The following SALL3 variants were observed in gnomAD, a reference collection of about 807,000 sequenced individuals.
SALL3 encodes sal-like protein 3.
A neutral mutation model predicts 66.2 loss-of-function variants in SALL3; 25 were observed. That is an observed-to-expected ratio of 0.38 (90% confidence interval 0.28 to 0.53). The LOEUF (loss-of-function observed/expected upper bound fraction) is 0.53. Among genes scored for constraint, SALL3 ranks in the 20% least tolerant of loss-of-function variants. The pLI is 0.85. For missense variants in SALL3, 2,194 were observed against 1,916.5 expected, an observed-to-expected ratio of 1.14 and a Z score of -2.70; for synonymous variants, 1,152 against 899.1, an observed-to-expected ratio of 1.28 and a Z score of -5.03.
Position 78,995,025 on chromosome 18 carries a change from C to A in SALL3, c.3034C>A (p.Arg1012=). ...ERPFVCALCR[R]GCSTMGNLKQ... ...GCCATTCGTCTGCGCGCTCTGCAGG[C>A]GAGGGTGCTCCACTATGGGTAATTT... The change falls in exon 2 of 3, where the codon CGA becomes AGA. Residue 1012 remains arginine (R), a synonymous_variant. Transcript: ENST00000537592. The A allele has an allele frequency of 6.2e-7, 1 of 1,613,850 alleles. No homozygotes were observed.
Position 78,993,269 on chromosome 18 carries a change from C to T in SALL3, c.1278C>T (p.Ala426=), listed in dbSNP as rs2146216411. ...PFFKHKCRFC[A]KVFGSDSALQ... is the part of the protein sequence containing the mutation. Reference sequence around the variant, plus strand: ...TCAAGCACAAATGCCGCTTCTGCGCCAAGGTCTTCGGCAGCGACAGCGCGC... The same window carrying T: ...TCAAGCACAAATGCCGCTTCTGCGCTAAGGTCTTCGGCAGCGACAGCGCGC... The change falls in exon 2 of 3, where the codon GCC becomes GCT. Residue 426 remains alanine, a synonymous_variant. Transcript: ENST00000537592. 6.2e-7 allele frequency: 1 copy of T among 1,610,802 alleles called. No homozygotes were observed. Among genetic ancestry groups the T allele is most frequent in the East Asian group, 2.2e-5 (1 of 44,810 alleles).
Position 78,994,691 on chromosome 18 carries a change from G to T in SALL3, c.2700G>T (p.Ser900=), listed in dbSNP as rs759723331. The stretch of plus-strand genomic sequence containing the variant: ...GCAGCCCCGCCCTGTCCGAGTCCTC[G>T]TCCTCGCAGGCCCTGTCGCCGGCCC... ...SAGSPALSES[S]SSQALSPAPS... Residue 900 remains serine, a synonymous_variant, in exon 2 of 3, where the codon TCG becomes TCT. Coordinates refer to ENST00000537592, the MANE Select transcript of SALL3 (RefSeq NM_171999.4). 1 of 1,607,076 alleles carries T rather than the reference G, an allele frequency of 6.2e-7. No homozygotes were observed. Among genetic ancestry groups the T allele is most frequent in the Non-Finnish European group, 8.5e-7 (1 of 1,179,444 alleles).
chr18:78,980,108 G>T lies in SALL3; in HGVS notation c.-167G>T, dbSNP rs1190370088. Among the ~76,000 whole-genome samples, 1 of 146,112 alleles carries T rather than the reference G, an allele frequency of 6.8e-6. No homozygotes were observed. Among genetic ancestry groups the T allele is most frequent in the African/African-American group, 2.5e-5 (1 of 40,762 alleles). ...CCAATCGGCGCGGCCCTCCGCTAAT[G>T]GCCATGCATTATTCACCAGCCTAAT... On this transcript the variant is annotated 5_prime_UTR_variant, in exon 1 of 3. The change abolishes an upstream ATG in the 5' untranslated region. Coordinates refer to ENST00000537592, the MANE Select transcript of SALL3 (RefSeq NM_171999.4).
At chr18:78,984,058 A>G (rs982097605) in intron 1 of SALL3, among the ~76,000 whole-genome samples, 1 of 152,190 alleles carries the variant, frequency 6.6e-6, no homozygotes, top group African/African-American at 2.4e-5. Context: ...ATATTTTTAG[A>G]TCTGTTGTTC....
chr18:78,992,435 G>A lies in SALL3; in HGVS notation c.444G>A (p.Pro148=). The change falls in exon 2 of 3, where the codon CCG becomes CCA. Residue 148 remains proline (P), a synonymous_variant. Transcript: ENST00000537592. ...PAGDTRAPRP[P]PAAPAPPTPA... ...GGGACACGCGCGCGCCCCGGCCCCC[G>A]CCTGCGGCCCCTGCACCCCCAACGC... 1.5e-6 allele frequency: 2 copies of A among 1,362,214 alleles called. No homozygotes were observed. The highest frequency in any genetic ancestry group is 1.9e-6 in the Non-Finnish European group (2 of 1,066,474). 84.4% of individuals were successfully genotyped at this position (1,362,214 alleles called of 1,614,324 possible).
chr18:78,990,834 A>G (rs376589056), intron 1 of SALL3, among the ~76,000 whole-genome samples: 1 of 152,204 alleles, frequency 6.6e-6, no homozygotes, highest in African/African-American at 2.4e-5. Flanking sequence ...AACCTGAGTA[A>G]TTATTGGGAA....
chr18:78,993,674 C>T lies in SALL3; in HGVS notation c.1683C>T (p.Ser561=), dbSNP rs1302881984. The change falls in exon 2 of 3, where the codon AGC becomes AGT. Residue 561 remains serine, a synonymous_variant. Coordinates refer to ENST00000537592, the MANE Select transcript of SALL3 (RefSeq NM_171999.4). The stretch of plus-strand genomic sequence containing the variant: ...CGCAGAGGCCCTCGCCCGCCTCCAG[C>T]GAGTGCGCCTCCTTGTCCCCAGGCC... ...RSPQRPSPAS[S]ECASLSPGLN... 16 of 1,587,190 alleles carry T rather than the reference C, an allele frequency of 1.0e-5. No homozygotes were observed. Among genetic ancestry groups the T allele is most frequent in the Admixed American group, 1.7e-5 (1 of 58,662 alleles).
In SALL3 at chr18:78,993,182, C is replaced by G. The variant is rs755919572; in HGVS notation, c.1191C>G (p.Arg397=). 3.7e-6 allele frequency: 6 copies of G among 1,610,172 alleles called. No homozygotes were observed. The highest frequency in any genetic ancestry group is 1.3e-5 in the African/African-American group (1 of 74,882). The stretch of plus-strand genomic sequence containing the variant: ...CGCTGTCCGCGCTCATGAAGCACCG[C>G]AAGGGCAAGCCGCCCAATGTGTCGG... ...LDPLSALMKH[R]KGKPPNVSVF... The change falls in exon 2 of 3, where the codon CGC becomes CGG. Residue 397 remains arginine (R), a synonymous_variant. Transcript: ENST00000537592.
At chr18:78,984,514 G>A (rs1457885279) in intron 1 of SALL3, among the ~76,000 whole-genome samples, 3 of 151,984 alleles carry the variant, frequency 2.0e-5, no homozygotes, top group Non-Finnish European at 2.9e-5. Flanking sequence ...TTTAGTCTTG[G>A]AAGGACAGGT....
rs1448430748 is a variant in SALL3, at chr18:78,994,189, C to T, written c.2198C>T (p.Pro733Leu). Reference sequence around the variant, plus strand: ...CACTTCGGCGTGCACCGTGCAAAGCCGCCCCTGCGCGTGCAGCACTCCTGC... The same window carrying T: ...CACTTCGGCGTGCACCGTGCAAAGCTGCCCCTGCGCGTGCAGCACTCCTGC... ...KTHFGVHRAK[P>L]PLRVQHSCPI... Residue 733 changes from proline to leucine, a missense_variant, in exon 2 of 3, where the codon CCG (proline) becomes CTG (leucine). Physicochemically the swap from Pro to Leu is moderately conservative, Grantham distance 98. Transcript: ENST00000537592. 2 of 1,613,252 alleles carry T rather than the reference C, an allele frequency of 1.2e-6. No homozygotes were observed. The highest frequency in any genetic ancestry group is 1.3e-5 in the African/African-American group (1 of 74,946).
intron 1 of SALL3, among the ~76,000 whole-genome samples, chr18:78,986,709 T>A (rs904987586): frequency 1.3e-5 from 2 of 152,230 alleles, no homozygotes; most frequent in African/African-American, 4.8e-5. Context: ...AAGTTACTCA[T>A]TGAAGTGGAT....
rs35983860 is a variant in SALL3 at position 78,998,015 on chromosome 18, CTTT to C, written c.*709_*711del. The C allele has an allele frequency of 0.037, 5,134 of 138,750 alleles. 83 individuals carry two copies. The highest frequency in any genetic ancestry group is 0.04 in the Middle Eastern group (11 of 274). 8.6% of individuals were successfully genotyped at this position (138,750 alleles called of 1,614,324 possible). On this transcript the variant is annotated 3_prime_UTR_variant, in exon 3 of 3. Coordinates refer to ENST00000537592, the MANE Select transcript of SALL3 (RefSeq NM_171999.4). Reference sequence around the variant, plus strand: ...GTGCAAGTACCTGTCAGTAATAAGCCTTTTTTTTTTTTTTTTTTAATTTAAATG... The same window carrying C: ...GTGCAAGTACCTGTCAGTAATAAGCCTTTTTTTTTTTTTTTAATTTAAATG...
rs752242407 is a variant in SALL3 at position 78,994,271 on chromosome 18, G to A, written c.2280G>A (p.Met760Ile). 11 of 1,613,760 alleles carry A rather than the reference G, an allele frequency of 6.8e-6. No individual in the cohort carries two copies. Among genetic ancestry groups the A allele is most frequent in the African/African-American group, 1.3e-5 (1 of 75,062 alleles). The change falls in exon 2 of 3, where the codon ATG becomes ATA. Residue 760 changes from methionine (M) to isoleucine (I), a missense_variant. Coordinates refer to ENST00000537592, the MANE Select transcript of SALL3 (RefSeq NM_171999.4). ...TGGTCCTGCAGCAGCACATCCGCAT[G>A]CACATGGGCGGCCAGATCCCCAACA... ...NAVVLQQHIR[M>I]HMGGQIPNTP... is the part of the protein sequence containing the mutation.
rs1245166438 is a variant in SALL3 at position 78,994,424 on chromosome 18, G to T, written c.2433G>T (p.Leu811=). 1 of 1,612,512 alleles carries T rather than the reference G, an allele frequency of 6.2e-7. No homozygotes were observed. The highest frequency in any genetic ancestry group is 1.3e-5 in the African/African-American group (1 of 74,930). ...DENSMEDDAE[L]KDAATDPAKP... ...ACTCCATGGAGGACGACGCTGAGCT[G>T]AAGGACGCGGCCACCGACCCGGCCA... Residue 811 remains leucine (L), a synonymous_variant, in exon 2 of 3, where the codon CTG becomes CTT. Transcript: ENST00000537592.
chr18:78,985,419 T>G (rs1914213682), intron 1 of SALL3, among the ~76,000 whole-genome samples: 1 of 152,224 alleles, frequency 6.6e-6, no homozygotes, highest in African/African-American at 2.4e-5. Context: ...TTTGTCGTGA[T>G]TCGTCGGCGT....
intron 1 of SALL3, among the ~76,000 whole-genome samples, chr18:78,988,151 C>T (rs1045927053): frequency 6.6e-6 from 1 of 152,064 alleles, no homozygotes; most frequent in African/African-American, 2.4e-5. Flanking sequence ...CAGGCCAGTT[C>T]AAAATACAAG....
At chr18:78,995,548 C>A (rs560842370) in intron 2 of SALL3, 86 bp downstream of exon 2, 1 of 1,467,742 alleles carries the variant, frequency 6.8e-7, no homozygotes, top group Admixed American at 2.6e-5. Context: ...ACACAGCGGC[C>A]GAGGTCCTGC....
chr18:78,983,838 G>A (rs2146207688), intron 1 of SALL3, among the ~76,000 whole-genome samples: 2 of 152,238 alleles, frequency 1.3e-5, no homozygotes, highest in Middle Eastern at 3.4e-3. Flanking sequence ...AACCGGGTTG[G>A]GTGAGGGGAG....
rs1011802931 is a variant in SALL3 at position 78,991,659 on chromosome 18, A to C, written c.83-415A>C. The C allele has an allele frequency of 2.3e-5, 4 of 175,332 alleles. No homozygotes were observed. The Admixed American group carries it at 2.5e-4, about 11-fold the overall frequency. The allele number at this position is 175,332 out of a possible 1,614,324, so 10.9% of individuals were successfully genotyped here. A position where few individuals can be genotyped will look rare whatever the true frequency, so the allele number is the denominator to read the frequency against. On this transcript the variant is annotated intron_variant, in intron 1 of 2. Transcript: ENST00000537592. The stretch of plus-strand genomic sequence containing the variant: ...CTGTCAGGTGTTGATGTGAGTTTGA[A>C]AGGTTACAGATTAGTTTAGCAATGT...
Sources: gnomAD v4.1 joint callset for allele counts (sites outside exome capture counted in the v4.1 genomes callset) on GRCh38, gnomAD v4.1.1 for gene constraint, MANE v1.5 for transcripts, NCBI Gene and HGNC (gene_info 2026-07-23, HGNC 2026-07-21) for gene names.